The following MAGI1 variants were observed in gnomAD, a reference collection of about 807,000 sequenced individuals.
The protein encoded by MAGI1 is membrane-associated guanylate kinase, WW and PDZ domain-containing protein 1.
In MAGI1, 58 loss-of-function variants were observed where a neutral mutation model predicts 139.9. The ratio of observed to expected loss-of-function variants is 0.41; its 90% CI spans 0.34 to 0.52. MAGI1 has a LOEUF of 0.52. Among genes scored for constraint, MAGI1 ranks in the 20% least tolerant of loss-of-function variants. The probability of loss-of-function intolerance (pLI) is 0.12; values close to 1 mark genes in which losing one functional copy is unlikely to be tolerated. For synonymous variants in MAGI1, 812 were observed against 737.9 expected, an observed-to-expected ratio of 1.10 and a Z score of -1.63; for missense variants, 1,874 against 1,901.6, an observed-to-expected ratio of 0.99 and a Z score of 0.27.
intron 1 of MAGI1, among the ~76,000 whole-genome samples, chr3:65,981,354 C>T (rs571350526): frequency 1.3e-5 from 2 of 152,174 alleles, no homozygotes; most frequent in African/African-American, 4.8e-5. Flanking sequence ...GCTCCCACTT[C>T]GGCTTTTTTG....
intron 1 of MAGI1, among the ~76,000 whole-genome samples, chr3:66,026,712 G>T (rs780206771): frequency 6.6e-6 from 1 of 152,014 alleles, no homozygotes; most frequent in Non-Finnish European, 1.5e-5. Context: ...GTGTTGGTGA[G>T]ACTGATCAGA....
intron 1 of MAGI1, among the ~76,000 whole-genome samples, chr3:65,974,917 G>C (rs1465280948): frequency 6.6e-6 from 1 of 152,084 alleles, no homozygotes; most frequent in Non-Finnish European, 1.5e-5. Context: ...AAGAAGGCAG[G>C]GATCATTGGA....
chr3:65,931,199 ATTGT>A (rs1311862146), intron 1 of MAGI1, among the ~76,000 whole-genome samples: 1 of 151,796 alleles, frequency 6.6e-6, no homozygotes, highest in East Asian at 1.9e-4. Flanking sequence ...CGCCCAGCTG[ATTGT>A]TTATATTTTT....
At chr3:66,010,038 T>C (rs1222249467) in intron 1 of MAGI1, among the ~76,000 whole-genome samples, 1 of 126,144 alleles carries the variant, frequency 7.9e-6, no homozygotes, top group Admixed American at 1.1e-4. Context: ...ATTGTCCCAG[T>C]GTACTCCAGC....
intron 1 of MAGI1, among the ~76,000 whole-genome samples, chr3:65,671,017 T>C (rs1193087048): frequency 2.0e-5 from 3 of 152,242 alleles, no homozygotes; most frequent in African/African-American, 7.2e-5. Context: ...ATGATGTTAA[T>C]ATTTATCATA....
At chr3:65,863,617 C>G (rs954211954) in intron 1 of MAGI1, among the ~76,000 whole-genome samples, 2 of 152,072 alleles carry the variant, frequency 1.3e-5, no homozygotes, top group African/African-American at 4.8e-5. Flanking sequence ...GGTCACTGGA[C>G]ATAAGAAAGA....
chr3:65,455,519 T>C (rs756397151), intron 5 of MAGI1, among the ~76,000 whole-genome samples: 14 of 152,206 alleles, frequency 9.2e-5, no homozygotes, highest in Middle Eastern at 3.4e-3. Context: ...AAAACCAGCC[T>C]GGACAATGTG....
At chr3:65,545,790 G>A (rs1051489191) in intron 2 of MAGI1, among the ~76,000 whole-genome samples, 5 of 151,982 alleles carry the variant, frequency 3.3e-5, no homozygotes, top group African/African-American at 1.2e-4. Context: ...TCAAAAAAAT[G>A]TGATGATCCC....
intron 2 of MAGI1, among the ~76,000 whole-genome samples, chr3:65,594,983 G>T (rs1320518490): frequency 6.6e-6 from 1 of 152,200 alleles, no homozygotes; most frequent in Non-Finnish European, 1.5e-5. Flanking sequence ...GGCAGTTTCA[G>T]TCGGTATCAC....
At chr3:65,901,597 C>T (rs749770126) in intron 1 of MAGI1, among the ~76,000 whole-genome samples, 4 of 152,170 alleles carry the variant, frequency 2.6e-5, no homozygotes, top group Non-Finnish European at 4.4e-5. Flanking sequence ...AGAACTGCAA[C>T]GGCAAGGTTT....
At chr3:65,795,828 A>C (rs1229246083) in intron 1 of MAGI1, among the ~76,000 whole-genome samples, 4 of 151,874 alleles carry the variant, frequency 2.6e-5, no homozygotes, top group Admixed American at 2.6e-4. Flanking sequence ...AGGCAGGTGG[A>C]TCACCTGAGG....
intron 1 of MAGI1, among the ~76,000 whole-genome samples, chr3:65,776,309 A>G (rs1159538701): frequency 2.7e-5 from 4 of 148,370 alleles, no homozygotes; most frequent in African/African-American, 7.5e-5. Context: ...CCTACTCTCA[A>G]TTGTTTTTTT....
At chr3:65,538,673 G>A (rs1160202683) in intron 2 of MAGI1, among the ~76,000 whole-genome samples, 1 of 152,092 alleles carries the variant, frequency 6.6e-6, no homozygotes, top group Non-Finnish European at 1.5e-5. Flanking sequence ...AGGTCCACTA[G>A]ATGCCATGCT....
Position 65,749,442 on chromosome 3 carries a change from G to A in MAGI1, c.314-127354C>T, listed in dbSNP as rs146432072. 6.2e-3 allele frequency among the ~76,000 whole-genome samples: 948 copies of A among 152,164 alleles called. 7 individuals are homozygous for A. The highest frequency in any genetic ancestry group is 0.011 in the Non-Finnish European group (727 of 68,014). ...AGGAATGGAAAACCAAACATCATACGTTCTCACTCATAAGTGGGAGCTAAG... is the reference window on the plus strand; with the variant it reads ...AGGAATGGAAAACCAAACATCATACATTCTCACTCATAAGTGGGAGCTAAG... On this transcript the variant is annotated intron_variant, in intron 1 of 22. Coordinates refer to ENST00000402939, the MANE Select transcript of MAGI1 (RefSeq NM_001033057.2).
At chr3:65,895,335 C>A (rs2060925817) in intron 1 of MAGI1, among the ~76,000 whole-genome samples, 1 of 152,202 alleles carries the variant, frequency 6.6e-6, no homozygotes, top group Non-Finnish European at 1.5e-5. Flanking sequence ...TCTCTCCACT[C>A]AATGTCTTAA....
rs952269172 is a variant in MAGI1 at position 65,581,550 on chromosome 3, T to C, written c.430+40422A>G. Among the ~76,000 whole-genome samples the C allele has an allele frequency of 3.9e-5, 6 of 152,250 alleles. No homozygotes were observed. In the South Asian group the frequency reaches 1.0e-3, roughly 26 times the overall value. ...GTCCCTGCCCCCTTGCTGCTATTCA[T>C]ACAATTTAGGCATGGTCCTCCCTTA... is the stretch of plus-strand genomic sequence containing the variant. On this transcript the variant is annotated intron_variant, in intron 2 of 22. Transcript: ENST00000402939.
intron 1 of MAGI1, among the ~76,000 whole-genome samples, chr3:65,914,687 C>A (rs2061818016): frequency 6.6e-6 from 1 of 152,166 alleles, no homozygotes; most frequent in African/African-American, 2.4e-5. Flanking sequence ...GCCTAATAAG[C>A]ATATTAAATT....
At chr3:65,495,331 C>A (rs934965864) in intron 2 of MAGI1, among the ~76,000 whole-genome samples, 1 of 152,062 alleles carries the variant, frequency 6.6e-6, no homozygotes, top group Admixed American at 6.6e-5. Context: ...GGGCTTTGCT[C>A]AATAATTTTT....
chr3:65,440,366 C>A (rs762916226), intron 8 of MAGI1, among the ~76,000 whole-genome samples: 29 of 152,130 alleles, frequency 1.9e-4, no homozygotes, highest in Non-Finnish European at 2.1e-4. Flanking sequence ...AGGAAACAGG[C>A]ATGCAAGCTC....
Sources: allele counts gnomAD v4.1 joint callset (sites outside exome capture counted in the v4.1 genomes callset), GRCh38; gene constraint gnomAD v4.1.1; transcripts MANE v1.5; gene names NCBI Gene and HGNC (gene_info 2026-07-23, HGNC 2026-07-21).